Variants in TTLL6 observed in about 807,000 individuals in gnomAD.
TTLL6 encodes the protein tubulin tyrosine ligase like 6, also known as tubulin polyglutamylase TTLL6.
Under a neutral mutation model 96.4 loss-of-function variants are expected in TTLL6, and 75 were observed. The observed-to-expected ratio is 0.78, with a 90% CI of 0.65 to 0.94. The LOEUF (loss-of-function observed/expected upper bound fraction) is 0.94. TTLL6 is among the 40% of genes least tolerant of loss of function. The probability of loss-of-function intolerance (pLI) is 0.00; values close to 1 mark genes in which losing one functional copy is unlikely to be tolerated. For missense variants in TTLL6, 1,030 were observed against 1,093.0 expected, an observed-to-expected ratio of 0.94 and a Z score of 0.81; for synonymous variants, 411 against 419.4, an observed-to-expected ratio of 0.98 and a Z score of 0.24.
chr17:48,787,706 C>A (rs1275861100), intron 11 of TTLL6, 105 bp downstream of exon 11: 5 of 1,231,968 alleles, frequency 4.1e-6, no homozygotes, highest in Non-Finnish European at 5.6e-6. Context: ...GCTCTGGCAA[C>A]TTTCATGGCT....
At chr17:48,781,545 T>C (rs535143077) in intron 13 of TTLL6, among the ~76,000 whole-genome samples, 120 of 152,360 alleles carry the variant, frequency 7.9e-4, no homozygotes, top group African/African-American at 2.8e-3. Context: ...TGCATTTCCC[T>C]GATGACTAGT....
At chr17:48,780,677 A>C (rs2038968573) in intron 13 of TTLL6, among the ~76,000 whole-genome samples, 1 of 152,200 alleles carries the variant, frequency 6.6e-6, no homozygotes, top group Admixed American at 6.6e-5. Context: ...GTCCCTGGCA[A>C]CCATGATTCC....
Position 48,796,973 on chromosome 17 carries a change from T to C in TTLL6, c.912+88A>G, listed in dbSNP as rs1203063965. On this transcript the variant is annotated intron_variant, in intron 7 of 15. Coordinates refer to ENST00000393382, the MANE Select transcript of TTLL6 (RefSeq NM_001130918.3). ...AGTGCTCAACAAATGACACTCACAA[T>C]GTCTTGAGGATGTGGATTTAACTAG... The C allele has an allele frequency of 1.4e-5, 19 of 1,376,526 alleles. No individual in the cohort carries two copies. In the East Asian group the frequency reaches 4.8e-4, roughly 35 times the overall value. 85.3% of individuals were successfully genotyped at this position (1,376,526 alleles called of 1,614,324 possible). A position where few individuals can be genotyped will look rare whatever the true frequency, so the allele number is the denominator to read the frequency against.
intron 1 of TTLL6, among the ~76,000 whole-genome samples, chr17:48,809,388 G>A (rs113844507): frequency 2.6e-5 from 4 of 152,128 alleles, no homozygotes; most frequent in South Asian, 2.1e-4. Flanking sequence ...CCTCCGCAAC[G>A]GCTCCTATGT....
In TTLL6 at chr17:48,787,930, A is replaced by C; in HGVS notation, c.1470T>G (p.Cys490Trp). 1.2e-6 allele frequency: 2 copies of C among 1,614,114 alleles called. No individual in the cohort carries two copies. The highest frequency in any genetic ancestry group is 1.7e-6 in the Non-Finnish European group (2 of 1,180,006). The change falls in exon 11 of 16, where the codon TGT (cysteine) becomes TGG (tryptophan). Residue 490 changes from cysteine to tryptophan, a missense_variant. Coordinates refer to ENST00000393382, the MANE Select transcript of TTLL6 (RefSeq NM_001130918.3). ...KKTETYEKEN[C>W]GGFRLIYPSL... ...TGGGATAAATCAGTCGGAACCCTCC[A>C]CAGTTTTCCTTCTCATACGTTTCAG...
In TTLL6 at chr17:48,817,024, C is replaced by T. The variant is rs905295140; in HGVS notation, c.49G>A (p.Val17Ile). The T allele has an allele frequency of 3.6e-5, 55 of 1,544,432 alleles. No homozygotes were observed. The highest frequency in any genetic ancestry group is 4.4e-5 in the Non-Finnish European group (50 of 1,145,908). ...HPSRRGPAGVVASWTSSPAGR... is the reference protein window; with the variant it reads ...HPSRRGPAGVIASWTSSPAGR... The stretch of plus-strand genomic sequence containing the variant: ...GCTGGGCTGCTAGTCCAGCTTGCAA[C>T]CACACCTGCCGGCCCCCTCCTCGAA... The change falls in exon 1 of 16, where the codon GTT becomes ATT. Residue 17 changes from valine (V) to isoleucine (I), a missense_variant. By Grantham distance (29) the Val-to-Ile change is conservative (BLOSUM62 3). Coordinates refer to ENST00000393382, the MANE Select transcript of TTLL6 (RefSeq NM_001130918.3).
intron 1 of TTLL6, among the ~76,000 whole-genome samples, chr17:48,816,007 C>A (rs1376479916): frequency 6.6e-6 from 1 of 152,178 alleles, no homozygotes; most frequent in African/African-American, 2.4e-5. Context: ...GTAACTTAGC[C>A]TCTCTGTACC....
At chr17:48,811,431 A>G (rs1380071804) in intron 1 of TTLL6, among the ~76,000 whole-genome samples, 1 of 151,906 alleles carries the variant, frequency 6.6e-6, no homozygotes, top group African/African-American at 2.4e-5. Context: ...TGGTCTTGCT[A>G]TGTTGCCCAG....
At chr17:48,766,720 C>T (rs1258526110) in intron 15 of TTLL6, among the ~76,000 whole-genome samples, 1 of 152,032 alleles carries the variant, frequency 6.6e-6, no homozygotes, top group African/African-American at 2.4e-5. Flanking sequence ...AAAAATTGTC[C>T]GGGCATGGAG....
At chr17:48,812,706 C>A (rs1310654469) in intron 1 of TTLL6, among the ~76,000 whole-genome samples, 2 of 152,208 alleles carry the variant, frequency 1.3e-5, no homozygotes, top group African/African-American at 4.8e-5. Context: ...CAGCTCCTAG[C>A]AGTGTCTAGA....
At chr17:48,790,653 C>T (rs890735153) in intron 9 of TTLL6, among the ~76,000 whole-genome samples, 1 of 152,172 alleles carries the variant, frequency 6.6e-6, no homozygotes, top group African/African-American at 2.4e-5. Context: ...TGGGTAAGGG[C>T]TGCAAACAGG....
chr17:48,812,248 G>C (rs183712834), intron 1 of TTLL6: 1 of 152,262 alleles, frequency 6.6e-6, no homozygotes, highest in African/African-American at 2.4e-5. Context: ...AATAAAAGGA[G>C]GAAAGGCAAA....
intron 8 of TTLL6, 44 bp from the exon 9 acceptor site, chr17:48,791,647 G>A (rs552087165): frequency 3.3e-6 from 5 of 1,518,700 alleles, no homozygotes; most frequent in East Asian, 2.3e-5. Flanking sequence ...GCTGGCTTCT[G>A]GTCACCCGAG....
In TTLL6 at chr17:48,768,917, C is replaced by T. The variant is rs868377052; in HGVS notation, c.*72G>A. 2.3e-4 allele frequency: 340 copies of T among 1,495,016 alleles called. No homozygotes were observed. The Middle Eastern group carries it at 4.3e-3, about 19-fold the overall frequency. 92.6% of individuals were successfully genotyped at this position (1,495,016 alleles called of 1,614,324 possible). ...ATCAATCCATCCATCCTCCTACCTA[C>T]CCAACATTCCAGAAAAACACAGAGC... On this transcript the variant is annotated intron_variant, in intron 15 of 15. Coordinates refer to ENST00000393382, the MANE Select transcript of TTLL6 (RefSeq NM_001130918.3).
intron 9 of TTLL6, among the ~76,000 whole-genome samples, chr17:48,791,090 ACT>A (rs1298689633): frequency 6.6e-6 from 1 of 151,978 alleles, no homozygotes; most frequent in East Asian, 1.9e-4. Context: ...CTGGGAGACA[ACT>A]CTTACAAAAG....
chr17:48,796,217 C>T (rs546063565), intron 7 of TTLL6, 71 bp from the exon 8 acceptor site: 1 of 1,236,142 alleles, frequency 8.1e-7, no homozygotes, highest in Non-Finnish European at 1.2e-6. Flanking sequence ...TCTGTGCCCT[C>T]CCATGGCCCC....
chr17:48,789,906 G>C, intron 10 of TTLL6, 25 bp downstream of exon 10: 1 of 1,610,798 alleles, frequency 6.2e-7, no homozygotes, highest in Middle Eastern at 1.7e-4. Context: ...AGAGAGCCCC[G>C]CAAGGCTGGG....
chr17:48,798,176 C>T (rs1449673881), intron 6 of TTLL6, among the ~76,000 whole-genome samples: 2 of 152,130 alleles, frequency 1.3e-5, no homozygotes, highest in Non-Finnish European at 2.9e-5. Context: ...AATCCCAGCA[C>T]ATTGTGAGGC....
chr17:48,801,706 T>C, intron 3 of TTLL6, 63 bp from the exon 4 acceptor site: 1 of 1,387,900 alleles, frequency 7.2e-7, no homozygotes, highest in Non-Finnish European at 1.0e-6. Context: ...GTGGGGAGAT[T>C]CCATTACTAG....
Sources: gnomAD v4.1 joint callset for allele counts (sites outside exome capture counted in the v4.1 genomes callset) on GRCh38, gnomAD v4.1.1 for gene constraint, MANE v1.5 for transcripts, NCBI Gene and HGNC (gene_info 2026-07-23, HGNC 2026-07-21) for gene names.